PCSK9: variants seen among roughly 807,000 people sequenced by gnomAD.
PCSK9 encodes the protein proprotein convertase subtilisin/kexin type 9, also known as convertase subtilisin/kexin type 9 preproprotein.
In PCSK9, 57 loss-of-function variants were observed where a neutral mutation model predicts 62.1. The ratio of observed to expected loss-of-function variants is 0.92; its 90% CI spans 0.74 to 1.14. The LOEUF is 1.14. PCSK9 is among the 50% of genes most tolerant of loss of function. The pLI is 0.00. For missense variants in PCSK9, 870 were observed against 959.8 expected (o/e 0.91, Z 1.24); for synonymous variants, 387 against 409.4 (o/e 0.95, Z 0.66).
Position 55,039,554 on chromosome 1 carries a change from G to C in PCSK9, c.-284G>C. 1 of 550,692 alleles carries C rather than the reference G, an allele frequency of 1.8e-6. No individual in the cohort carries two copies. Among genetic ancestry groups the C allele is most frequent in the South Asian group, 2.2e-5 (1 of 45,976 alleles). The allele number at this position is 550,692 out of a possible 1,614,324, so 34.1% of individuals were successfully genotyped here. On this transcript the variant is annotated 5_prime_UTR_variant, in exon 1 of 12. Transcript: ENST00000302118. ...CACCCTAGAAGGTTTCCGCAGCGACGTCGAGGCGCTCATGGTTGCAGGCGG... is the reference window on the plus strand; with the variant it reads ...CACCCTAGAAGGTTTCCGCAGCGACCTCGAGGCGCTCATGGTTGCAGGCGG...
chr1:55,052,827 C>G (rs1342911059), intron 5 of PCSK9, 36 bp downstream of exon 5: 1 of 1,612,632 alleles, frequency 6.2e-7, no homozygotes, highest in African/African-American at 1.3e-5. Flanking sequence ...CTCTCTCCAT[C>G]TGGACCTGGC....
In PCSK9 at chr1:55,040,024, AC is replaced by A. The variant is rs1293660596; in HGVS notation, c.189del (p.Phe64SerfsTer19). On this transcript the variant is annotated frameshift_variant, in exon 1 of 12. Transcript: ENST00000302118. LOFTEE classifies it high-confidence loss of function. This position sits in a 1 kb window ranked among gnomAD's most constrained non-coding sequence, Gnocchi z 4.1. ...AGCACCCGAGCACGGAACCACAGCCACCTTCCACCGCTGCGCCAAGGTGCGG... is the reference window on the plus strand; with the variant it reads ...AGCACCCGAGCACGGAACCACAGCCACTTCCACCGCTGCGCCAAGGTGCGG... ...AEAPEHGTTA[T>X]FHRCAKDPWR... The A allele has an allele frequency of 7.0e-6, 11 of 1,571,916 alleles. No homozygotes were observed. The highest frequency in any genetic ancestry group is 9.5e-6 in the Non-Finnish European group (11 of 1,159,320).
Position 55,056,134 on chromosome 1 carries a change from C to T in PCSK9, c.941C>T (p.Ala314Val), listed in dbSNP as rs971741435. Residue 314 changes from alanine (A) to valine (V), a missense_variant, in exon 6 of 12, where the codon GCT becomes GTT. Ala to Val is a moderately conservative substitution (Grantham distance 64, BLOSUM62 0). Coordinates refer to ENST00000302118, the MANE Select transcript of PCSK9 (RefSeq NM_174936.4). Reference protein sequence around the residue: ...LARAGVVLVTAAGNFRDDACL... With the variant: ...LARAGVVLVTVAGNFRDDACL... ...AGGGCTGGGGTCGTGCTGGTCACCG[C>T]TGCCGGCAACTTCCGGGACGATGCC... The T allele has an allele frequency of 6.4e-7, 1 of 1,560,758 alleles. No homozygotes were observed. The highest frequency in any genetic ancestry group is 1.2e-5 in the South Asian group (1 of 85,694).
rs1644587098 is a variant in PCSK9, at chr1:55,040,032, C to T, written c.195C>T (p.His65=). 2 of 1,568,636 alleles carry T rather than the reference C, an allele frequency of 1.3e-6. No individual in the cohort carries two copies. Among genetic ancestry groups the T allele is most frequent in the South Asian group, 1.2e-5 (1 of 85,280 alleles). ...APEHGTTATF[H]RCAKDPWRLP... is the part of the protein sequence containing the mutation. Reference sequence around the variant, plus strand: ...AGCACGGAACCACAGCCACCTTCCACCGCTGCGCCAAGGTGCGGGTGTAGG... The same window carrying T: ...AGCACGGAACCACAGCCACCTTCCATCGCTGCGCCAAGGTGCGGGTGTAGG... Residue 65 remains histidine (H), a synonymous_variant, in exon 1 of 12, where the codon CAC becomes CAT. Transcript: ENST00000302118. This position sits in a 1 kb window ranked among gnomAD's most constrained non-coding sequence, Gnocchi z 4.1.
In PCSK9 at chr1:55,044,164, C is replaced by T. The variant is rs187520589; in HGVS notation, c.399+130C>T. 13 of 1,111,178 alleles carry T rather than the reference C, an allele frequency of 1.2e-5. No homozygotes were observed. In the East Asian group the frequency reaches 1.5e-4, roughly 13 times the overall value. The allele number at this position is 1,111,178 out of a possible 1,614,324, so 68.8% of individuals were successfully genotyped here. A position where few individuals can be genotyped will look rare whatever the true frequency, so the allele number is the denominator to read the frequency against. On this transcript the variant is annotated intron_variant, in intron 2 of 11. Transcript: ENST00000302118. Reference sequence around the variant, plus strand: ...CAGCAAGTATGTATTGAGCACTTATCGGGTACCAAGCACAGTAACTACTGG... The same window carrying T: ...CAGCAAGTATGTATTGAGCACTTATTGGGTACCAAGCACAGTAACTACTGG...
chr1:55,059,809 C>A, intron 10 of PCSK9, 146 bp downstream of exon 10: 1 of 1,070,892 alleles, frequency 9.3e-7, no homozygotes, highest in East Asian at 2.6e-5. Flanking sequence ...CACTTCCATG[C>A]CCTTTGAGCC....
intron 7 of PCSK9, 46 bp from the exon 8 acceptor site, chr1:55,057,990 G>A: frequency 6.2e-7 from 1 of 1,611,834 alleles, no homozygotes; most frequent in Non-Finnish European, 8.5e-7. Flanking sequence ...TGCTGGGGCA[G>A]GAGGGCCGGG....
intron 3 of PCSK9, chr1:55,051,502 C>G (rs1644673162): frequency 6.3e-6 from 2 of 315,070 alleles, no homozygotes; most frequent in African/African-American, 4.5e-5. Context: ...CTCCATCCAG[C>G]AGGCTGGACC....
rs553773319 is a variant in PCSK9 at position 55,057,209 on chromosome 1, A to G, written c.997-122A>G. 12 of 1,285,262 alleles carry G rather than the reference A, an allele frequency of 9.3e-6. No individual in the cohort carries two copies. The South Asian group carries it at 1.1e-4, about 12-fold the overall frequency. The allele number at this position is 1,285,262 out of a possible 1,614,324, so 79.6% of individuals were successfully genotyped here. On this transcript the variant is annotated intron_variant, in intron 6 of 11. Transcript: ENST00000302118. Reference sequence around the variant, plus strand: ...AGTCAGATTTTCCTTAGGAGGGGACATTTGAGTGGGACCCAAACAGGTGTA... The same window carrying G: ...AGTCAGATTTTCCTTAGGAGGGGACGTTTGAGTGGGACCCAAACAGGTGTA...
intron 1 of PCSK9, among the ~76,000 whole-genome samples, chr1:55,041,792 C>T (rs369728383): frequency 2.6e-5 from 4 of 151,990 alleles, no homozygotes; most frequent in Non-Finnish European, 5.9e-5. Flanking sequence ...TTTTATTTAG[C>T]GGAAGGCATT....
Position 55,058,059 on chromosome 1 carries a change from G to T in PCSK9, c.1204G>T (p.Ala402Ser), listed in dbSNP as rs533612423. ...VAGIAAMMLS[A>S]EPELTLAELR... ...AGGCATTGCAGCCATGATGCTGTCT[G>T]CCGAGCCGGAGCTCACCCTGGCCGA... Residue 402 changes from alanine to serine, a missense_variant, in exon 8 of 12, where the codon GCC (alanine) becomes TCC (serine). Transcript: ENST00000302118. 52 of 1,613,792 alleles carry T rather than the reference G, an allele frequency of 3.2e-5. 1 individual carries two copies. In the South Asian group the frequency reaches 5.7e-4, roughly 18 times the overall value.
In PCSK9 at chr1:55,063,806, A is replaced by G; in HGVS notation, c.*222A>G. 1 of 600,298 alleles carries G rather than the reference A, an allele frequency of 1.7e-6. No individual in the cohort carries two copies. Among genetic ancestry groups the G allele is most frequent in the Non-Finnish European group, 2.9e-6 (1 of 340,942 alleles). 37.2% of individuals were successfully genotyped at this position (600,298 alleles called of 1,614,324 possible). ...TCCTCCCCAGGTGGAGGTGCCAGGAAGCTCCCTCCCTCACTGTGGGGCATT... is the reference window on the plus strand; with the variant it reads ...TCCTCCCCAGGTGGAGGTGCCAGGAGGCTCCCTCCCTCACTGTGGGGCATT... On this transcript the variant is annotated 3_prime_UTR_variant, in exon 12 of 12. Coordinates refer to ENST00000302118, the MANE Select transcript of PCSK9 (RefSeq NM_174936.4).
intron 9 of PCSK9, among the ~76,000 whole-genome samples, 200 bp downstream of exon 9, chr1:55,058,847 G>C (rs1435876499): frequency 6.6e-6 from 1 of 152,208 alleles, no homozygotes; most frequent in East Asian, 1.9e-4. Context: ...GGGGCTGCTG[G>C]AGAGAGCCAC....
Position 55,063,453 on chromosome 1 carries a change from G to A in PCSK9, c.1948G>A (p.Val650Ile), listed in dbSNP as rs767706622. ...CTCCCACGTCCTGGGGGCCTACGCC[G>A]TAGACAACACGTGTGTAGTCAGGAG... ...GTSHVLGAYA[V>I]DNTCVVRSRD... Residue 650 changes from valine to isoleucine, a missense_variant, in exon 12 of 12, where the codon GTA becomes ATA. Physicochemically the swap from Val to Ile is conservative, Grantham distance 29. Coordinates refer to ENST00000302118, the MANE Select transcript of PCSK9 (RefSeq NM_174936.4). 1.4e-5 allele frequency: 22 copies of A among 1,614,106 alleles called. No individual in the cohort carries two copies. The highest frequency in any genetic ancestry group is 4.0e-5 in the African/African-American group (3 of 75,062).
chr1:55,044,278 G>A (rs1447888292), intron 2 of PCSK9, among the ~76,000 whole-genome samples: 5 of 152,176 alleles, frequency 3.3e-5, no homozygotes, highest in Non-Finnish European at 7.3e-5. Flanking sequence ...AAGTTCAGAG[G>A]GGACCACACA....
chr1:55,041,036 C>T (rs188924547), intron 1 of PCSK9, among the ~76,000 whole-genome samples: 119 of 152,324 alleles, frequency 7.8e-4, no homozygotes, highest in Admixed American at 1.3e-3. Context: ...AGTCACTTAT[C>T]CTTGAGCCTC....
At chr1:55,050,406 G>A (rs566484618) in intron 3 of PCSK9, among the ~76,000 whole-genome samples, 29 of 152,328 alleles carry the variant, frequency 1.9e-4, no homozygotes, top group Non-Finnish European at 3.4e-4. Flanking sequence ...AGCTCACAGC[G>A]CTCTCAGCCA....
intron 6 of PCSK9, among the ~76,000 whole-genome samples, chr1:55,056,533 C>T (rs1418423142): frequency 1.3e-5 from 2 of 152,232 alleles, no homozygotes; most frequent in South Asian, 2.1e-4. Context: ...ATCTCCATCC[C>T]CAGGCCCTGC....
At chr1:55,057,892 C>A in intron 7 of PCSK9, 144 bp from the exon 8 acceptor site, 1 of 1,157,338 alleles carries the variant, frequency 8.6e-7, no homozygotes, top group Non-Finnish European at 1.3e-6. Flanking sequence ...GGACTGCAGG[C>A]GGCTTACCTT....
Sources: gnomAD v4.1 joint callset for allele counts (sites outside exome capture counted in the v4.1 genomes callset) on GRCh38, gnomAD v4.1.1 for gene constraint, Gnocchi (gnomAD v3.1) non-coding constraint, MANE v1.5 for transcripts, NCBI Gene and HGNC (gene_info 2026-07-23, HGNC 2026-07-21) for gene names.